The following HHIPL1 variants were observed in gnomAD, a reference collection of about 807,000 sequenced individuals.
HHIPL1 encodes the protein HHIP like 1, also known as HHIP-like protein 1.
In HHIPL1, 43 loss-of-function variants were observed where a neutral mutation model predicts 61.8. That is an observed-to-expected ratio of 0.70 (90% CI 0.55 to 0.90). The LOEUF (loss-of-function observed/expected upper bound fraction) is 0.90, where lower values mean the gene tolerates loss of function less well. Among genes scored for constraint, HHIPL1 ranks in the 40% least tolerant of loss-of-function variants. The probability of loss-of-function intolerance (pLI) is 0.00; values close to 1 mark genes in which losing one functional copy is unlikely to be tolerated. For missense variants in HHIPL1, 1,056 were observed against 1,157.7 expected, an observed-to-expected ratio of 0.91 and a Z score of 1.28; for synonymous variants, 482 against 515.8, an observed-to-expected ratio of 0.93 and a Z score of 0.89.
chr14:99,640,877 C>CTTTTTTTTTTTTTTTTTTTTT (rs59137552), upstream of HHIPL1, among the ~76,000 whole-genome samples: 2 of 69,872 alleles, frequency 2.9e-5, no homozygotes, highest in Non-Finnish European at 5.4e-5. Flanking sequence ...ACTTCTTCTT[C>CTTTTTTTTTTTTTTTTTTTTT]TTTTTTTTTT....
chr14:99,611,494 C>G, the HHIPL1 span, among the ~76,000 whole-genome samples: 3 of 151,956 alleles, frequency 2.0e-5, no homozygotes, highest in Non-Finnish European at 4.4e-5. Flanking sequence ...CCATGTTGGT[C>G]AGGCTGGTCT....
Position 99,659,667 on chromosome 14 carries a change from A to C in HHIPL1, c.1286A>C (p.Asp429Ala), listed in dbSNP as rs1328301635. Reference sequence around the variant, plus strand: ...GGCCAGAACAAGTTCGAGGAGGTGGACGTGGTGGAGCGCGGCGGCAACTAT... The same window carrying C: ...GGCCAGAACAAGTTCGAGGAGGTGGCCGTGGTGGAGCGCGGCGGCAACTAT... ...DVGQNKFEEV[D>A]VVERGGNYGW... The change falls in exon 4 of 9, where the codon GAC (aspartate) becomes GCC (alanine). Residue 429 changes from aspartate (D) to alanine (A), a missense_variant. Transcript: ENST00000330710. 2.6e-6 allele frequency: 4 copies of C among 1,542,716 alleles called. No homozygotes were observed. Among genetic ancestry groups the C allele is most frequent in the Non-Finnish European group, 3.5e-6 (4 of 1,149,132 alleles).
chr14:99,675,566 C>G lies in HHIPL1; in HGVS notation c.2289C>G (p.His763Gln), dbSNP rs1363914658. Reference sequence around the variant, plus strand: ...GCCAGCACAACGGCGTGGGCACCCACAACTGCGAGCACGACGAGGATGCGG... The same window carrying G: ...GCCAGCACAACGGCGTGGGCACCCAGAACTGCGAGCACGACGAGGATGCGG... The part of the protein sequence containing the change: ...LECQHNGVGT[H>Q]NCEHDEDAGV... The change falls in exon 9 of 9, where the codon CAC (histidine) becomes CAG (glutamine). Residue 763 changes from histidine (H) to glutamine (Q), a missense_variant. Coordinates refer to ENST00000330710, the MANE Select transcript of HHIPL1 (RefSeq NM_001127258.3). The surrounding 1 kb of genome is among the most constrained non-coding windows in gnomAD (Gnocchi z 5.4). The G allele has an allele frequency of 6.5e-7, 1 of 1,537,374 alleles. No homozygotes were observed. Among genetic ancestry groups the G allele is most frequent in the South Asian group, 1.2e-5 (1 of 83,858 alleles).
the HHIPL1 span, among the ~76,000 whole-genome samples, chr14:99,626,572 C>T: frequency 1.3e-5 from 2 of 152,250 alleles, no homozygotes; most frequent in Admixed American, 1.3e-4. Flanking sequence ...GAGCTCCCAA[C>T]AGGATGGGTG....
chr14:99,631,166 G>A, the HHIPL1 span, among the ~76,000 whole-genome samples: 12 of 147,594 alleles, frequency 8.1e-5, no homozygotes, highest in Non-Finnish European at 1.5e-4. Context: ...CACCCAGGCT[G>A]GAGTGCAGTC....
intron 8 of HHIPL1, among the ~76,000 whole-genome samples, chr14:99,672,790 G>A (rs918862610): frequency 1.3e-5 from 2 of 152,162 alleles, no homozygotes; most frequent in Non-Finnish European, 2.9e-5. Flanking sequence ...GAGGAGAGAC[G>A]ACAGAGCAGG....
At chr14:99,652,013 G>A (rs1304649812) in intron 1 of HHIPL1, among the ~76,000 whole-genome samples, 1 of 152,178 alleles carries the variant, frequency 6.6e-6, no homozygotes, top group Non-Finnish European at 1.5e-5. Context: ...CTATTAATAG[G>A]AGTAGTAATA....
chr14:99,650,451 G>A (rs8007470), intron 1 of HHIPL1, among the ~76,000 whole-genome samples: 27,112 of 152,232 alleles, frequency 0.18, 2,531 homozygotes, highest in Middle Eastern at 0.3. Flanking sequence ...GCCACAGGCC[G>A]GCGGCTCTAA....
intron 1 of HHIPL1, among the ~76,000 whole-genome samples, chr14:99,650,873 C>T (rs966116346): frequency 3.3e-5 from 5 of 152,240 alleles, no homozygotes; most frequent in Non-Finnish European, 7.3e-5. Flanking sequence ...AAAGGGCATG[C>T]CTGCAAAGGG....
intron 2 of HHIPL1, among the ~76,000 whole-genome samples, chr14:99,654,595 G>A (rs752355707): frequency 1.6e-4 from 25 of 152,358 alleles, no homozygotes; most frequent in Admixed American, 2.6e-4. Flanking sequence ...CCAGGACTGG[G>A]TGTGAGGGCA....
chr14:99,652,927 G>A (rs2055964697), intron 2 of HHIPL1, 57 bp downstream of exon 2: 1 of 1,501,328 alleles, frequency 6.7e-7, no homozygotes, highest in Admixed American at 1.8e-5. Context: ...ATGCACTGGT[G>A]TGACAGGACC....
chr14:99,628,622 A>C, the HHIPL1 span, among the ~76,000 whole-genome samples: 1 of 152,078 alleles, frequency 6.6e-6, no homozygotes, highest in Non-Finnish European at 1.5e-5. Flanking sequence ...AAAGAAAACA[A>C]CACCAACAAA....
chr14:99,639,659 T>C, the HHIPL1 span, among the ~76,000 whole-genome samples: 1 of 151,912 alleles, frequency 6.6e-6, no homozygotes, highest in South Asian at 2.1e-4. Flanking sequence ...CCTTGTTTTT[T>C]TGTTTGTTTT....
At chr14:99,637,565 C>G in the HHIPL1 span, among the ~76,000 whole-genome samples, 2 of 150,470 alleles carry the variant, frequency 1.3e-5, no homozygotes, top group Non-Finnish European at 3.0e-5. Flanking sequence ...GAGCAAGACT[C>G]CGTCTCAAAA....
the HHIPL1 span, among the ~76,000 whole-genome samples, chr14:99,617,027 G>A: frequency 6.6e-6 from 1 of 152,200 alleles, no homozygotes; most frequent in African/African-American, 2.4e-5. Flanking sequence ...TTCCTGGGGG[G>A]CCGAGAAGTG....
chr14:99,610,807 G>T, the HHIPL1 span, among the ~76,000 whole-genome samples: 1 of 152,134 alleles, frequency 6.6e-6, no homozygotes, highest in Non-Finnish European at 1.5e-5. Context: ...CTCTTTCATG[G>T]CATGGTCCTT....
chr14:99,621,872 T>C, the HHIPL1 span, among the ~76,000 whole-genome samples: 793 of 151,972 alleles, frequency 5.2e-3, 4 homozygotes, highest in African/African-American at 0.018. Flanking sequence ...CGTGCCACCA[T>C]GCCCGGCTAA....
intron 7 of HHIPL1, among the ~76,000 whole-genome samples, chr14:99,670,043 G>A (rs2056309152): frequency 6.6e-6 from 1 of 151,806 alleles, no homozygotes. Flanking sequence ...TTACCATAGT[G>A]TACATGTCAA....
chr14:99,672,823 G>A (rs532590152), intron 8 of HHIPL1, among the ~76,000 whole-genome samples: 15 of 152,322 alleles, frequency 9.8e-5, no homozygotes, highest in Non-Finnish European at 1.3e-4. Context: ...TGCCCATGGG[G>A]CCTGGGACTG....
Sources: gnomAD v4.1 joint callset for allele counts (sites outside exome capture counted in the v4.1 genomes callset) on GRCh38, gnomAD v4.1.1 for gene constraint, Gnocchi (gnomAD v3.1) non-coding constraint, MANE v1.5 for transcripts, NCBI Gene and HGNC (gene_info 2026-07-23, HGNC 2026-07-21) for gene names.